MID1: variants seen among roughly 807,000 people sequenced by gnomAD.
MID1 encodes the protein E3 ubiquitin-protein ligase Midline-1.
In MID1, 7 loss-of-function variants were observed where a neutral mutation model predicts 40.4. That is an observed-to-expected ratio of 0.17 (90% CI 0.10 to 0.33). The LOEUF (loss-of-function observed/expected upper bound fraction) is 0.33, where lower values mean the gene tolerates loss of function less well. MID1 is among the 10% of genes least tolerant of loss of function. The pLI, the probability that MID1 is intolerant of heterozygous loss-of-function variation, is 1.00. For missense variants in MID1, 367 were observed against 558.5 expected (o/e 0.66, Z 3.46); for synonymous variants, 229 against 221.2 (o/e 1.04, Z -0.31).
At chrX:10,814,395 CT>C (rs1272182605) in intron 1 of MID1, among the ~76,000 whole-genome samples, 1 of 111,250 alleles carries the variant, frequency 9.0e-6, no homozygotes, top group East Asian at 2.8e-4. Flanking sequence ...TTCCTTATTA[CT>C]TTTTTTAAAA....
chrX:10,788,264 C>A (rs1372572775), intron 1 of MID1, among the ~76,000 whole-genome samples: 1 of 111,739 alleles, frequency 8.9e-6, no homozygotes, highest in African/African-American at 3.3e-5. Flanking sequence ...TCTCTAATAA[C>A]TTCCTTCCAT....
At chrX:10,706,732 T>C (rs911785083) in intron 1 of MID1, among the ~76,000 whole-genome samples, 1 of 111,481 alleles carries the variant, frequency 9.0e-6, no homozygotes, top group Non-Finnish European at 1.9e-5. Flanking sequence ...ATTACAATAG[T>C]CATATACCAT....
intron 1 of MID1, among the ~76,000 whole-genome samples, chrX:10,616,658 T>C (rs780204603): frequency 3.6e-5 from 4 of 112,671 alleles, no homozygotes; most frequent in African/African-American, 1.3e-4. Context: ...GATTTGCTTG[T>C]AGCCTATGCG....
chrX:10,677,489 C>G (rs1398527967), intron 1 of MID1: 1 of 112,440 alleles, frequency 8.9e-6, no homozygotes, highest in Non-Finnish European at 1.9e-5. Context: ...ATTTAAAACC[C>G]TGAAACGAAT....
rs1157401550 is a variant in MID1 at position 10,758,483 on chromosome X, C to CTTTTTTTTTTTT, written c.-187+75059_-187+75070dup. 2.7e-4 allele frequency among the ~76,000 whole-genome samples: 17 copies of CTTTTTTTTTTTT among 63,874 alleles called. 1 individual carries two copies. Among genetic ancestry groups the CTTTTTTTTTTTT allele is most frequent in the African/African-American group, 1.3e-3 (16 of 12,765 alleles). The allele number at this position is 63,874 out of a possible 115,157, so 55.5% of individuals were successfully genotyped here. A position where few individuals can be genotyped will look rare whatever the true frequency, so the allele number is the denominator to read the frequency against. ...CAGTACTTTTTCTTTCTTTTCTTTC[C>CTTTTTTTTTTTT]TTTTTTTTTTTTTTTTTTTTTTTTT... is the stretch of plus-strand genomic sequence containing the variant. On this transcript the variant is annotated intron_variant, in intron 1 of 10. Transcript: ENST00000380785.
chrX:10,549,636 C>T (rs1933830428), intron 2 of MID1, among the ~76,000 whole-genome samples: 1 of 113,283 alleles, frequency 8.8e-6, no homozygotes, highest in Non-Finnish European at 1.9e-5. Context: ...TCAGTTTACT[C>T]ATTGTAACTG....
At chrX:10,464,231 G>T (rs756086606) in intron 7 of MID1, among the ~76,000 whole-genome samples, 37 of 112,401 alleles carry the variant, frequency 3.3e-4, no homozygotes, top group Non-Finnish European at 6.8e-4. Flanking sequence ...TCATTATACT[G>T]AGTGGTTTTG....
chrX:10,732,552 A>G (rs1251040786), intron 1 of MID1, among the ~76,000 whole-genome samples: 3 of 112,373 alleles, frequency 2.7e-5, no homozygotes, highest in East Asian at 2.8e-4. Context: ...TAAAATGTCA[A>G]TTCTCCCCTA....
rs930525308 is a variant in MID1 at position 10,573,726 on chromosome X, G to A, written c.-56-6123C>T. Among the ~76,000 whole-genome samples the A allele has an allele frequency of 6.2e-5, 7 of 112,141 alleles. No individual in the cohort carries two copies. The East Asian group carries it at 2.0e-3, about 32-fold the overall frequency. ...CTGATGGTCTATGGTTCCTTTGACAGGGCCATCCAGTTTTTTGTTTGTTTC... is the reference window on the plus strand; with the variant it reads ...CTGATGGTCTATGGTTCCTTTGACAAGGCCATCCAGTTTTTTGTTTGTTTC... On this transcript the variant is annotated intron_variant, in intron 1 of 9. Coordinates refer to ENST00000317552, the MANE Select transcript of MID1 (RefSeq NM_000381.4).
At chrX:10,719,468 A>T (rs1332586420) in intron 1 of MID1, among the ~76,000 whole-genome samples, 17 of 106,685 alleles carry the variant, frequency 1.6e-4, no homozygotes, top group East Asian at 2.9e-4. Context: ...GAGAATAAAA[A>T]ACCTAGGAAT....
intron 1 of MID1, among the ~76,000 whole-genome samples, chrX:10,735,834 C>A (rs2043483876): frequency 9.0e-6 from 1 of 111,274 alleles, no homozygotes; most frequent in African/African-American, 3.3e-5. Context: ...GGACTACAGG[C>A]ATGTGCCACC....
At chrX:10,638,901 G>C (rs1936154048) in intron 1 of MID1, among the ~76,000 whole-genome samples, 1 of 112,263 alleles carries the variant, frequency 8.9e-6, no homozygotes, top group African/African-American at 3.2e-5. Flanking sequence ...ACAGGGCCTG[G>C]AGTGGACCTC....
intron 1 of MID1, among the ~76,000 whole-genome samples, chrX:10,759,294 G>A (rs994703672): frequency 6.3e-5 from 7 of 111,950 alleles, no homozygotes; most frequent in African/African-American, 1.9e-4. Context: ...AAATGCTGGC[G>A]ACGCAGGGCT....
intron 5 of MID1, among the ~76,000 whole-genome samples, chrX:10,479,123 G>A (rs1461628525): frequency 1.8e-5 from 2 of 112,050 alleles, no homozygotes; most frequent in African/African-American, 6.5e-5. Context: ...CCTGTTCTTA[G>A]GAACTTAAAG....
chrX:10,655,406 C>T (rs780454353), intron 1 of MID1, among the ~76,000 whole-genome samples: 1 of 111,122 alleles, frequency 9.0e-6, no homozygotes, highest in Admixed American at 9.6e-5. Context: ...GGTTATGATG[C>T]AGTGAGGATG....
At position 10,728,987 on chromosome X, in the gene MID1, C is replaced by T. The variant is rs1326518040; in HGVS notation, c.-187+104567G>A. On this transcript the variant is annotated intron_variant, in intron 1 of 10. Transcript: ENST00000380785. ...TAATGCTTCAGTTTATTAATGTAAC[C>T]ACTGTGTCATTCCTACCATGCCCGT... Among the ~76,000 whole-genome samples the T allele has an allele frequency of 1.8e-5, 2 of 111,928 alleles. 1 individual carries two copies. The highest frequency in any genetic ancestry group is 3.8e-5 in the Non-Finnish European group (2 of 53,202).
At position 10,567,128 on chromosome X, in the gene MID1, G is replaced by C. The variant is rs201845920; in HGVS notation, c.420C>G (p.Ser140=). The change falls in exon 2 of 10, where the codon TCC becomes TCG. Residue 140 remains serine, a synonymous_variant. Transcript: ENST00000317552. ...TGGCTTTCAGGCACTCGTCACAGTA[G>C]GATACTTCACAAGTGACACAGGTCT... ...AVKTCVTCEV[S]YCDECLKATH... 97 of 1,209,532 alleles carry C rather than the reference G, an allele frequency of 8.0e-5. No homozygotes were observed. The highest frequency in any genetic ancestry group is 1.0e-4 in the Non-Finnish European group (90 of 895,076).
Position 10,523,155 on chromosome X carries a change from A to C in MID1, c.693T>G (p.Ile231Met). Residue 231 changes from isoleucine to methionine, a missense_variant, in exon 3 of 10, where the codon ATT becomes ATG. Physicochemically the swap from Ile to Met is conservative, Grantham distance 10 (BLOSUM62 1). This residue lies in a region of MID1 where 275 missense variants were observed against 383.1 expected (regional missense o/e 0.72). Coordinates refer to ENST00000317552, the MANE Select transcript of MID1 (RefSeq NM_000381.4). ...QNLESNLTNL[I>M]KRNTELETLL... is the part of the protein sequence containing the mutation. Reference sequence around the variant, plus strand: ...GGGTCTCCAGTTCTGTGTTCCTCTTAATAAGGTTGGTGAGGTTACTCTCTA... The same window carrying C: ...GGGTCTCCAGTTCTGTGTTCCTCTTCATAAGGTTGGTGAGGTTACTCTCTA... The C allele has an allele frequency of 8.3e-7, 1 of 1,202,117 alleles. No individual in the cohort carries two copies. The highest frequency in any genetic ancestry group is 3.0e-5 in the East Asian group (1 of 33,698).
chrX:10,679,287 T>C (rs149660297), intron 1 of MID1, among the ~76,000 whole-genome samples: 2 of 111,796 alleles, frequency 1.8e-5, no homozygotes, highest in African/African-American at 6.5e-5. Context: ...GAGGATGAAG[T>C]CTATATATGC....
Sources: allele counts gnomAD v4.1 joint callset (sites outside exome capture counted in the v4.1 genomes callset), GRCh38; gene constraint gnomAD v4.1.1; regional missense constraint gnomAD v4.1.1; transcripts MANE v1.5; gene names NCBI Gene and HGNC (gene_info 2026-07-23, HGNC 2026-07-21).